The following RAB5IF variants were observed in gnomAD, a reference collection of about 807,000 sequenced individuals.
RAB5IF encodes RAB5 interacting factor.
Under a neutral mutation model 20.3 loss-of-function variants are expected in RAB5IF, and 15 were observed. That is an observed-to-expected ratio of 0.74 (90% CI 0.50 to 1.14). The LOEUF (loss-of-function observed/expected upper bound fraction) is 1.14, where lower values mean the gene tolerates loss of function less well. RAB5IF is among the 50% of genes most tolerant of loss of function. The pLI, the probability that RAB5IF is intolerant of heterozygous loss-of-function variation, is 0.00. For synonymous variants in RAB5IF, 67 were observed against 63.7 expected (o/e 1.05, Z -0.25); for missense variants, 148 against 159.5 (o/e 0.93, Z 0.39).
intron 1 of RAB5IF, among the ~76,000 whole-genome samples, chr20:36,607,132 A>T (rs2038953092): frequency 6.6e-6 from 1 of 152,130 alleles, no homozygotes; most frequent in South Asian, 2.1e-4. Context: ...TCTAATCCGT[A>T]TGTGCGGCCA....
At chr20:36,609,230 C>CTATATT (rs1568595664) in intron 2 of RAB5IF, among the ~76,000 whole-genome samples, 1 of 126,836 alleles carries the variant, frequency 7.9e-6, no homozygotes, top group Non-Finnish European at 1.6e-5. Context: ...CACACACACA[C>CTATATT]ACACACACAC....
intron 1 of RAB5IF, among the ~76,000 whole-genome samples, chr20:36,606,365 T>G (rs1201003966): frequency 1.3e-5 from 2 of 152,220 alleles, no homozygotes; most frequent in Non-Finnish European, 2.9e-5. Flanking sequence ...GGAGCTGAAT[T>G]CGATTCGGCC....
chr20:36,607,976 G>A (rs1421663919), intron 2 of RAB5IF, 158 bp downstream of exon 2: 1 of 1,496,884 alleles, frequency 6.7e-7, no homozygotes. Context: ...TGGGTCTGGT[G>A]CACCACTCCT....
intron 2 of RAB5IF, among the ~76,000 whole-genome samples, chr20:36,608,625 G>A (rs1300280319): frequency 5.4e-5 from 8 of 146,846 alleles, no homozygotes; most frequent in Non-Finnish European, 1.0e-4. Flanking sequence ...GTGTACTGGC[G>A]TGATCTCGGC....
chr20:36,610,988 C>T (rs779425432), intron 3 of RAB5IF, among the ~76,000 whole-genome samples: 1 of 152,100 alleles, frequency 6.6e-6, no homozygotes, highest in Non-Finnish European at 1.5e-5. Flanking sequence ...GAAAGCCTCT[C>T]AACTGTACGC....
intron 2 of RAB5IF, among the ~76,000 whole-genome samples, chr20:36,609,246 CACACACACACTA>C (rs1568595742): frequency 1.3e-4 from 18 of 134,418 alleles, no homozygotes; most frequent in African/African-American, 5.2e-4. Context: ...CACACACACA[CACACACACACTA>C]TATATAGAGT....
rs2039138315 is a variant in RAB5IF at position 36,612,080 on chromosome 20, C to A, written c.*29C>A. 1.2e-6 allele frequency: 2 copies of A among 1,614,088 alleles called. No homozygotes were observed. The highest frequency in any genetic ancestry group is 1.7e-6 in the Non-Finnish European group (2 of 1,180,056). On this transcript the variant is annotated 3_prime_UTR_variant, in exon 4 of 4. Coordinates refer to ENST00000344795, the MANE Select transcript of RAB5IF (RefSeq NM_018840.5). ...TGTACAGCTCCCAAGTGCTCCCTAT[C>A]CAGTCCAAAGGACCCTCTTGATTAC...
chr20:36,610,298 G>A lies in RAB5IF; in HGVS notation c.348+568G>A, dbSNP rs140313422. On this transcript the variant is annotated intron_variant, in intron 3 of 3. Transcript: ENST00000344795. ...AAACTCCATCTCAAAAAGGAAACTA[G>A]GAAATATTTTTCATAATAGCTAAAA... Among the ~76,000 whole-genome samples the A allele has an allele frequency of 7.9e-5, 12 of 151,876 alleles. No individual in the cohort carries two copies. In the East Asian group the frequency reaches 2.4e-3, roughly 30 times the overall value.
intron 2 of RAB5IF, chr20:36,608,035 T>A: frequency 7.6e-7 from 1 of 1,316,406 alleles, no homozygotes; most frequent in Non-Finnish European, 1.0e-6. Context: ...TCCTGAAGGC[T>A]GGGCCAGTCC....
At chr20:36,610,365 A>G (rs2147965824) in intron 3 of RAB5IF, among the ~76,000 whole-genome samples, 1 of 152,300 alleles carries the variant, frequency 6.6e-6, no homozygotes, top group Non-Finnish European at 1.5e-5. Context: ...TGAATGGATA[A>G]GATACTATGT....
At chr20:36,606,672 G>A (rs1180983217) in intron 1 of RAB5IF, among the ~76,000 whole-genome samples, 1 of 152,220 alleles carries the variant, frequency 6.6e-6, no homozygotes, top group Non-Finnish European at 1.5e-5. Flanking sequence ...CCCGCTGGGT[G>A]AGTGTGAGGT....
In RAB5IF at chr20:36,605,846, C is replaced by T. The variant is rs902761357; in HGVS notation, c.-106C>T. The T allele has an allele frequency of 5.4e-6, 3 of 550,800 alleles. No individual in the cohort carries two copies. The highest frequency in any genetic ancestry group is 3.6e-5 in the East Asian group (1 of 27,586). The allele number at this position is 550,800 out of a possible 1,614,324, so 34.1% of individuals were successfully genotyped here. On this transcript the variant is annotated 5_prime_UTR_variant, in exon 1 of 4. Transcript: ENST00000344795. ...ACCGCAGCGCGCCGCAGGACCGGGC[C>T]GCTGAGCCTGCAGCCGCCCCGCGCC...
intron 3 of RAB5IF, 33 bp from the exon 4 acceptor site, chr20:36,611,977 G>T: frequency 6.2e-7 from 1 of 1,611,486 alleles, no homozygotes; most frequent in Admixed American, 1.7e-5. Flanking sequence ...GTTAAGCCAG[G>T]TGACCTATGA....
At chr20:36,609,251 A>T (rs987142265) in intron 2 of RAB5IF, among the ~76,000 whole-genome samples, 1 of 134,938 alleles carries the variant, frequency 7.4e-6, no homozygotes, top group African/African-American at 3.2e-5. Flanking sequence ...ACACACACAC[A>T]CACACTATAT....
Sources: allele counts gnomAD v4.1 joint callset (sites outside exome capture counted in the v4.1 genomes callset), GRCh38; gene constraint gnomAD v4.1.1; transcripts MANE v1.5; gene names NCBI Gene and HGNC (gene_info 2026-07-23, HGNC 2026-07-21).